KCNMA1: variants seen among roughly 807,000 people sequenced by gnomAD.
The protein encoded by KCNMA1 is potassium calcium-activated channel subfamily M alpha 1.
A neutral mutation model predicts 140.0 loss-of-function variants in KCNMA1; 29 were observed. That is an observed-to-expected ratio of 0.21 (90% CI 0.15 to 0.28). The LOEUF is 0.28. Ranked by LOEUF, KCNMA1 falls within the 10% of genes least tolerant of loss-of-function variation. KCNMA1 has a pLI of 1.00. For missense variants in KCNMA1, 880 were observed against 1,602.2 expected, an observed-to-expected ratio of 0.55 and a Z score of 7.70; for synonymous variants, 612 against 611.9, an observed-to-expected ratio of 1.00 and a Z score of 0.00.
intron 2 of KCNMA1, among the ~76,000 whole-genome samples, chr10:77,340,116 C>A (rs966981187): frequency 1.9e-4 from 29 of 152,164 alleles, no homozygotes; most frequent in Admixed American, 1.4e-3. Flanking sequence ...AAAAAATGCT[C>A]ATCATCACTG....
intron 2 of KCNMA1, chr10:77,313,962 T>A (rs2080057045): frequency 6.6e-6 from 1 of 151,996 alleles, no homozygotes; most frequent in South Asian, 2.1e-4. Flanking sequence ...TAGTGGACCA[T>A]GAGATCAGTT....
chr10:77,479,605 A>G (rs1304574167), intron 1 of KCNMA1, among the ~76,000 whole-genome samples: 1 of 152,094 alleles, frequency 6.6e-6, no homozygotes, highest in Admixed American at 6.6e-5. Flanking sequence ...CATGTCTCTG[A>G]GGCAGGTCTT....
At chr10:77,272,336 T>C (rs2065387393) in intron 2 of KCNMA1, among the ~76,000 whole-genome samples, 1 of 152,204 alleles carries the variant, frequency 6.6e-6, no homozygotes, top group Non-Finnish European at 1.5e-5. Context: ...TAGGTTCCTA[T>C]TTCCCCTTGC....
chr10:77,581,924 C>T (rs11002211), intron 1 of KCNMA1, among the ~76,000 whole-genome samples: 2 of 152,104 alleles, frequency 1.3e-5, no homozygotes, highest in Admixed American at 6.5e-5. Context: ...GAACAGAGGC[C>T]GATTCTGCCA....
At chr10:76,919,487 T>C (rs1185883147) in intron 23 of KCNMA1, among the ~76,000 whole-genome samples, 3 of 152,220 alleles carry the variant, frequency 2.0e-5, no homozygotes, top group Admixed American at 2.0e-4. Context: ...ACAGATATTC[T>C]CATTCTATAT....
intron 3 of KCNMA1, among the ~76,000 whole-genome samples, chr10:77,198,959 A>T (rs543332024): frequency 6.6e-6 from 1 of 152,302 alleles, no homozygotes; most frequent in South Asian, 2.1e-4. Flanking sequence ...ACTTAGGTCC[A>T]GTGTGAATGA....
At chr10:77,205,092 C>G (rs142604392) in intron 3 of KCNMA1, among the ~76,000 whole-genome samples, 1 of 152,262 alleles carries the variant, frequency 6.6e-6, no homozygotes, top group Non-Finnish European at 1.5e-5. Context: ...ATAGTTAAAC[C>G]CTTCTCTGCT....
intron 1 of KCNMA1, among the ~76,000 whole-genome samples, chr10:77,539,046 C>T (rs375261551): frequency 6.8e-4 from 103 of 152,312 alleles, no homozygotes; most frequent in African/African-American, 2.3e-3. Flanking sequence ...CACTCCAATA[C>T]AGGCTGGTTG....
chr10:76,941,018 G>GAAGGAAGGAAGGAAGAAAGAAAGA lies in KCNMA1; in HGVS notation c.2902+3754_2902+3755insTCTTTCTTTCTTCCTTCCTTCCTT, dbSNP rs1554960623. 3.7e-3 allele frequency among the ~76,000 whole-genome samples: 140 copies of GAAGGAAGGAAGGAAGAAAGAAAGA among 38,214 alleles called. 3 individuals are homozygous for GAAGGAAGGAAGGAAGAAAGAAAGA. The highest frequency in any genetic ancestry group is 6.8e-3 in the East Asian group (8 of 1,180). 25.1% of individuals were successfully genotyped at this position (38,214 alleles called of 152,430 possible). A position where few individuals can be genotyped will look rare whatever the true frequency, so the allele number is the denominator to read the frequency against. On this transcript the variant is annotated intron_variant, in intron 23 of 27. Coordinates refer to ENST00000286628, the MANE Select transcript of KCNMA1 (RefSeq NM_001161352.2). ...GAAAGAAAGGAAGGAAGGAAGGAAG[G>GAAGGAAGGAAGGAAGAAAGAAAGA]AAGAAAGAAAGAAAGAAAGAAAGAA...
chr10:76,927,014 A>G (rs2057909034), intron 23 of KCNMA1, among the ~76,000 whole-genome samples: 1 of 152,092 alleles, frequency 6.6e-6, no homozygotes, highest in African/African-American at 2.4e-5. Flanking sequence ...CAGTCGTGGC[A>G]ATGGCTGTGG....
intron 9 of KCNMA1, among the ~76,000 whole-genome samples, chr10:77,096,526 C>T (rs183705010): frequency 2.2e-4 from 33 of 152,236 alleles, no homozygotes; most frequent in Admixed American, 6.5e-4. Context: ...TCTGCGAGGG[C>T]GGGGAGGCCT....
chr10:77,554,812 C>T (rs816864), intron 1 of KCNMA1, among the ~76,000 whole-genome samples: 44,310 of 151,796 alleles, frequency 0.29, 7,308 homozygotes, highest in African/African-American at 0.45. Context: ...CCTGATCTCT[C>T]GGGCACAGTC....
chr10:77,266,666 C>T (rs535731427), intron 2 of KCNMA1, among the ~76,000 whole-genome samples: 1 of 152,264 alleles, frequency 6.6e-6, no homozygotes, highest in Non-Finnish European at 1.5e-5. Context: ...CCTAATTACC[C>T]TGAATCTGCT....
intron 2 of KCNMA1, among the ~76,000 whole-genome samples, chr10:77,362,016 A>C (rs894540525): frequency 1.6e-4 from 24 of 152,156 alleles, no homozygotes; most frequent in African/African-American, 5.3e-4. Context: ...TGCCAGGCCC[A>C]GGGTCTCCCT....
chr10:76,992,440 GAAA>G (rs1206265929), intron 19 of KCNMA1, among the ~76,000 whole-genome samples: 4 of 152,278 alleles, frequency 2.6e-5, no homozygotes, highest in Middle Eastern at 3.4e-3. Context: ...TTCCCTTTGG[GAAA>G]AAGGTCAGCT....
intron 9 of KCNMA1, among the ~76,000 whole-genome samples, chr10:77,097,641 T>C (rs2096967110): frequency 6.6e-6 from 1 of 151,988 alleles, no homozygotes; most frequent in African/African-American, 2.4e-5. Flanking sequence ...ACAAAGCAAA[T>C]GAGAGTGTGT....
chr10:77,285,471 A>C (rs2070462602), intron 2 of KCNMA1, among the ~76,000 whole-genome samples: 1 of 152,216 alleles, frequency 6.6e-6, no homozygotes, highest in Non-Finnish European at 1.5e-5. Context: ...TTCTACAGGC[A>C]GTGGTATGAG....
chr10:77,532,625 A>T (rs1173223702), intron 1 of KCNMA1, among the ~76,000 whole-genome samples: 2 of 152,230 alleles, frequency 1.3e-5, no homozygotes, highest in Non-Finnish European at 2.9e-5. Flanking sequence ...CCATGTACTG[A>T]ATATTTTTAA....
chr10:77,506,596 A>AGAGACAGTGTGT, intron 1 of KCNMA1, among the ~76,000 whole-genome samples: 1 of 83,532 alleles, frequency 1.2e-5, no homozygotes. Context: ...AGAGAGAGAG[A>AGAGACAGTGTGT]GTGTGTGTGT....
Sources: allele counts gnomAD v4.1 joint callset (sites outside exome capture counted in the v4.1 genomes callset), GRCh38; gene constraint gnomAD v4.1.1; transcripts MANE v1.5; gene names NCBI Gene and HGNC (gene_info 2026-07-23, HGNC 2026-07-21).